Variants in WNT4 observed in about 807,000 individuals in gnomAD.
The protein encoded by WNT4 is Wnt family member 4.
Under a neutral mutation model 34.5 loss-of-function variants are expected in WNT4, and 16 were observed. The ratio of observed to expected loss-of-function variants is 0.46; its 90% CI spans 0.31 to 0.70. The LOEUF (loss-of-function observed/expected upper bound fraction) is 0.70. Ranked by LOEUF, WNT4 falls within the 30% of genes least tolerant of loss-of-function variation. The pLI, the probability that WNT4 is intolerant of heterozygous loss-of-function variation, is 0.04. For missense variants in WNT4, 379 were observed against 495.9 expected (o/e 0.76, Z 2.24); for synonymous variants, 200 against 211.9 (o/e 0.94, Z 0.49).
intron 1 of WNT4, among the ~76,000 whole-genome samples, chr1:22,136,933 T>C (rs1367076957): frequency 6.6e-6 from 1 of 151,944 alleles, no homozygotes; most frequent in African/African-American, 2.4e-5. Context: ...TGGGGAAGGG[T>C]CTCTAGGGCC....
rs1645869499 is a variant in WNT4, at chr1:22,119,012, A to G, written c.*1038T>C. Reference sequence around the variant, plus strand: ...CTCAATAAATTGTGTTGAGTAAGATAATGGGAGAGGACTTTATTGCACAGC... The same window carrying G: ...CTCAATAAATTGTGTTGAGTAAGATGATGGGAGAGGACTTTATTGCACAGC... On this transcript the variant is annotated 3_prime_UTR_variant, in exon 5 of 5. Coordinates refer to ENST00000290167, the MANE Select transcript of WNT4 (RefSeq NM_030761.5). 6.6e-6 allele frequency: 1 copy of G among 152,504 alleles called. No homozygotes were observed. Among genetic ancestry groups the G allele is most frequent in the Admixed American group, 6.5e-5 (1 of 15,288 alleles). 9.4% of individuals were successfully genotyped at this position (152,504 alleles called of 1,614,324 possible).
rs2072920 is a variant in WNT4 at position 22,119,772 on chromosome 1, A to G, written c.*278T>C. 15,376 of 551,904 alleles carry G rather than the reference A, an allele frequency of 0.028. 598 individuals are homozygous for G. The highest frequency in any genetic ancestry group is 0.13 in the East Asian group (4,286 of 31,792). 34.2% of individuals were successfully genotyped at this position (551,904 alleles called of 1,614,324 possible). On this transcript the variant is annotated 3_prime_UTR_variant, in exon 5 of 5. Coordinates refer to ENST00000290167, the MANE Select transcript of WNT4 (RefSeq NM_030761.5). ...AGTAGAAAAACGGACACAGATAACA[A>G]CTGAGTGGTCAGTGGCAGCCACATG...
At position 22,142,814 on chromosome 1, in the gene WNT4, G is replaced by A; in HGVS notation, c.77+32C>T. On this transcript the variant is annotated intron_variant, in intron 1 of 4. Coordinates refer to ENST00000290167, the MANE Select transcript of WNT4 (RefSeq NM_030761.5). The surrounding 1 kb of genome is among the most constrained non-coding windows in gnomAD (Gnocchi z 6.0). ...CTGCCCCCGGGGCCTGCCCCGCCCCGCCCCGCCCCGCTCGGCCCCGGCCAG... is the reference window on the plus strand; with the variant it reads ...CTGCCCCCGGGGCCTGCCCCGCCCCACCCCGCCCCGCTCGGCCCCGGCCAG... The A allele has an allele frequency of 2.8e-6, 3 of 1,072,028 alleles. No homozygotes were observed. The highest frequency in any genetic ancestry group is 1.6e-5 in the South Asian group (1 of 63,048). 66.4% of individuals were successfully genotyped at this position (1,072,028 alleles called of 1,614,324 possible). A position where few individuals can be genotyped will look rare whatever the true frequency, so the allele number is the denominator to read the frequency against.
At position 22,134,836 on chromosome 1, in the gene WNT4, C is replaced by T. The variant is rs1646009903; in HGVS notation, c.78-4985G>A. The stretch of plus-strand genomic sequence containing the variant: ...CAGACCAGACCCATGCTGACTTCTG[C>T]TCATTTGTGTGTGTGTTTTTTTGCT... On this transcript the variant is annotated intron_variant, in intron 1 of 4. Transcript: ENST00000290167. This position sits in a 1 kb window ranked among gnomAD's most constrained non-coding sequence, Gnocchi z 4.1. 6.6e-6 allele frequency among the ~76,000 whole-genome samples: 1 copy of T among 152,194 alleles called. No homozygotes were observed.
chr1:22,142,109 GC>G lies in WNT4; in HGVS notation c.77+736del, dbSNP rs753954487. ...AACCTTCCGCCCCTACCCAGGGAGC[GC>G]CCTGAGCGCAGATCCAGTCAAGGAG... On this transcript the variant is annotated intron_variant, in intron 1 of 4. Coordinates refer to ENST00000290167, the MANE Select transcript of WNT4 (RefSeq NM_030761.5). The surrounding 1 kb of genome is among the most constrained non-coding windows in gnomAD (Gnocchi z 6.0). 1.6e-4 allele frequency among the ~76,000 whole-genome samples: 24 copies of G among 152,170 alleles called. No homozygotes were observed. Among genetic ancestry groups the G allele is most frequent in the Non-Finnish European group, 3.1e-4 (21 of 68,032 alleles).
rs539048566 is a variant in WNT4, at chr1:22,134,108, G to A, written c.78-4257C>T. 2.6e-5 allele frequency among the ~76,000 whole-genome samples: 4 copies of A among 152,336 alleles called. No homozygotes were observed. The South Asian group carries it at 8.3e-4, about 32-fold the overall frequency. ...CAAGCAGATCAGTGTCGTGGGTCCC[G>A]GCCCTGCGGGTGTCCAGGTGGGGGC... On this transcript the variant is annotated intron_variant, in intron 1 of 4. Coordinates refer to ENST00000290167, the MANE Select transcript of WNT4 (RefSeq NM_030761.5). The surrounding 1 kb of genome is among the most constrained non-coding windows in gnomAD (Gnocchi z 4.1).
chr1:22,124,754 A>T (rs1417951699), intron 2 of WNT4, among the ~76,000 whole-genome samples: 3 of 152,194 alleles, frequency 2.0e-5, no homozygotes, highest in African/African-American at 7.2e-5. Flanking sequence ...ATATTCAAGC[A>T]GTTAGGAGTG....
intron 2 of WNT4, among the ~76,000 whole-genome samples, chr1:22,122,389 T>C (rs1645906479): frequency 1.3e-5 from 2 of 151,902 alleles, no homozygotes; most frequent in Admixed American, 1.3e-4. Flanking sequence ...CACACGTCTG[T>C]CTGCCTCTGC....
At chr1:22,128,812 T>C (rs892124343) in intron 2 of WNT4, among the ~76,000 whole-genome samples, 1 of 152,098 alleles carries the variant, frequency 6.6e-6, no homozygotes, top group Admixed American at 6.5e-5. Flanking sequence ...CTCCGCCTCC[T>C]GGGTTCACAC....
chr1:22,127,986 T>A (rs1265091284), intron 2 of WNT4, among the ~76,000 whole-genome samples: 1 of 152,194 alleles, frequency 6.6e-6, no homozygotes, highest in Admixed American at 6.5e-5. Context: ...ACACCTACTG[T>A]GTCCAAGGGC....
In WNT4 at chr1:22,129,640, C is replaced by CG; in HGVS notation, c.288dup (p.Val97ArgfsTer43). The CG allele has an allele frequency of 6.2e-7, 1 of 1,613,654 alleles. No individual in the cohort carries two copies. The highest frequency in any genetic ancestry group is 8.5e-7 in the Non-Finnish European group (1 of 1,180,010). ...CCTTGCGTCACCACCTTGCCGAAGA[C>CG]GGGCAAGGAGTCGAGTGTGGAGCAG... On this transcript the variant is annotated frameshift_variant, in exon 2 of 5. Coordinates refer to ENST00000290167, the MANE Select transcript of WNT4 (RefSeq NM_030761.5). LOFTEE classifies it high-confidence loss of function.
Position 22,142,923 on chromosome 1 carries a change from G to A in WNT4, c.-1C>T, listed in dbSNP as rs957561955. 4.4e-6 allele frequency: 5 copies of A among 1,136,702 alleles called. No homozygotes were observed. In the African/African-American group the frequency reaches 8.3e-5, roughly 19 times the overall value. The allele number at this position is 1,136,702 out of a possible 1,614,324, so 70.4% of individuals were successfully genotyped here. On this transcript the variant is annotated 5_prime_UTR_variant, in exon 1 of 5. Coordinates refer to ENST00000290167, the MANE Select transcript of WNT4 (RefSeq NM_030761.5). This position sits in a 1 kb window ranked among gnomAD's most constrained non-coding sequence, Gnocchi z 6.0. ...AACGCAGGCACGAGCGGGGACTCAT[G>A]GTGCCGCCGCGGGCGCCCGGCCCGG...
chr1:22,131,843 C>T (rs932694978), intron 1 of WNT4, among the ~76,000 whole-genome samples: 1 of 152,230 alleles, frequency 6.6e-6, no homozygotes, highest in African/African-American at 2.4e-5. Flanking sequence ...TCCTATCTAC[C>T]AGGTGGTTCC....
chr1:22,121,822 A>AC, intron 2 of WNT4, among the ~76,000 whole-genome samples: 1 of 151,950 alleles, frequency 6.6e-6, no homozygotes, highest in South Asian at 2.1e-4. Flanking sequence ...CCTCACAACC[A>AC]CCCCAGGAGG....
At chr1:22,125,043 CAATAT>C (rs1645930171) in intron 2 of WNT4, among the ~76,000 whole-genome samples, 1 of 152,176 alleles carries the variant, frequency 6.6e-6, no homozygotes, top group African/African-American at 2.4e-5. Context: ...ATTTAAGAGA[CAATAT>C]AGGATCAGGG....
At chr1:22,124,403 AGGCCTAAATACTGTGT>A (rs1270787909) in intron 2 of WNT4, among the ~76,000 whole-genome samples, 1 of 152,146 alleles carries the variant, frequency 6.6e-6, no homozygotes. Context: ...CTGACGTCAC[AGGCCTAAATACTGTGT>A]GTCCTCTGGG....
At position 22,129,838 on chromosome 1, in the gene WNT4, G is replaced by C; in HGVS notation, c.91C>G (p.Leu31Val). The change falls in exon 2 of 5, where the codon CTG becomes GTG. Residue 31 changes from leucine (L) to valine (V), a missense_variant. By Grantham distance (32) the Leu-to-Val change is conservative. Coordinates refer to ENST00000290167, the MANE Select transcript of WNT4 (RefSeq NM_030761.5). Reference sequence around the variant, plus strand: ...TCTGAGATGCTCCCCACCGACGACAGCTTGGCCAGGTACCTGGGGAGAGGG... The same window carrying C: ...TCTGAGATGCTCCCCACCGACGACACCTTGGCCAGGTACCTGGGGAGAGGG... ...AASNWLYLAK[L>V]SSVGSISEEE... The C allele has an allele frequency of 6.2e-7, 1 of 1,613,798 alleles. No individual in the cohort carries two copies. The highest frequency in any genetic ancestry group is 8.5e-7 in the Non-Finnish European group (1 of 1,180,008).
At chr1:22,128,354 G>A (rs978351761) in intron 2 of WNT4, among the ~76,000 whole-genome samples, 8 of 152,174 alleles carry the variant, frequency 5.3e-5, no homozygotes, top group South Asian at 2.1e-4. Context: ...ATAGTGGCTC[G>A]GAAGTGCCAG....
At position 22,129,618 on chromosome 1, in the gene WNT4, T is replaced by C. The variant is rs1483510764; in HGVS notation, c.311A>G (p.Gln104Arg). 1.3e-5 allele frequency: 21 copies of C among 1,612,528 alleles called. No individual in the cohort carries two copies. Among genetic ancestry groups the C allele is most frequent in the Non-Finnish European group, 1.7e-5 (20 of 1,179,540 alleles). ...SLPVFGKVVT[Q>R]GTREAAFVYA... ...AGCCCCGCACGCCCTTCCCTCACCT[T>C]GCGTCACCACCTTGCCGAAGACGGG... Residue 104 changes from glutamine (Q) to arginine (R), a missense_variant and splice_region_variant, in exon 2 of 5, where the codon CAA becomes CGA. Physicochemically the swap from Gln to Arg is conservative, Grantham distance 43. This residue lies in a region of WNT4 where 313 missense variants were observed against 445.8 expected (regional missense o/e 0.70). Transcript: ENST00000290167.
Sources: allele counts gnomAD v4.1 joint callset (sites outside exome capture counted in the v4.1 genomes callset), GRCh38; gene constraint gnomAD v4.1.1; regional missense constraint gnomAD v4.1.1; non-coding constraint Gnocchi (gnomAD v3.1); transcripts MANE v1.5; gene names NCBI Gene and HGNC (gene_info 2026-07-23, HGNC 2026-07-21).